The following CFDP1 variants were observed in gnomAD, a reference collection of about 807,000 sequenced individuals.
CFDP1 encodes heterochromatin-stabilizing protein CFDP1.
Under a neutral mutation model 40.1 loss-of-function variants are expected in CFDP1, and 31 were observed. The observed-to-expected ratio is 0.77, with a 90% confidence interval of 0.58 to 1.04. The LOEUF is 1.04. Among genes scored for constraint, CFDP1 ranks in the 50% least tolerant of loss-of-function variants. CFDP1 has a pLI of 0.00. For missense variants in CFDP1, 423 were observed against 343.4 expected, an observed-to-expected ratio of 1.23 and a Z score of -1.83; for synonymous variants, 167 against 120.0, an observed-to-expected ratio of 1.39 and a Z score of -2.56.
intron 5 of CFDP1, among the ~76,000 whole-genome samples, chr16:75,345,045 C>G (rs1175940722): frequency 6.6e-6 from 1 of 151,908 alleles, no homozygotes; most frequent in South Asian, 2.1e-4. Context: ...TCACTTAAGC[C>G]CAAGAGATCA....
At chr16:75,309,367 T>A (rs529813996) in intron 5 of CFDP1, among the ~76,000 whole-genome samples, 55 of 151,616 alleles carry the variant, frequency 3.6e-4, no homozygotes, top group African/African-American at 1.3e-3. Context: ...GACCCTATTC[T>A]GAGAAAGAAC....
chr16:75,365,194 T>C (rs546599890), intron 5 of CFDP1, among the ~76,000 whole-genome samples: 29 of 152,290 alleles, frequency 1.9e-4, no homozygotes, highest in African/African-American at 6.7e-4. Context: ...ATAACTGAAG[T>C]TGAATGGCAA....
In CFDP1 at chr16:75,312,552, T is replaced by C. The variant is rs574198025; in HGVS notation, c.651-7370A>G. 2.1e-4 allele frequency among the ~76,000 whole-genome samples: 32 copies of C among 152,344 alleles called. 1 individual carries two copies. In the South Asian group the frequency reaches 6.0e-3, roughly 29 times the overall value. On this transcript the variant is annotated intron_variant, in intron 5 of 6. Coordinates refer to ENST00000283882, the MANE Select transcript of CFDP1 (RefSeq NM_006324.3). The stretch of plus-strand genomic sequence containing the variant: ...GCCAATAATGAAGGGCACTTACATT[T>C]GTCTGATCTGATTTCAGCTGCTCTA...
At chr16:75,329,219 C>T (rs2078427198) in intron 5 of CFDP1, among the ~76,000 whole-genome samples, 1 of 152,156 alleles carries the variant, frequency 6.6e-6, no homozygotes, top group Non-Finnish European at 1.5e-5. Flanking sequence ...CTCCTGACCT[C>T]AGGTGATCTG....
chr16:75,399,325 G>A (rs1195214785), intron 4 of CFDP1, among the ~76,000 whole-genome samples: 2 of 152,038 alleles, frequency 1.3e-5, no homozygotes, highest in Non-Finnish European at 2.9e-5. Flanking sequence ...AACTAGAAAG[G>A]GTACCTTTAA....
intron 5 of CFDP1, among the ~76,000 whole-genome samples, chr16:75,330,443 G>T (rs2078437518): frequency 6.6e-6 from 1 of 152,152 alleles, no homozygotes; most frequent in Non-Finnish European, 1.5e-5. Flanking sequence ...AAAAAAATTA[G>T]CCAGGCGTGG....
At chr16:75,363,805 G>A (rs2078695576) in intron 5 of CFDP1, among the ~76,000 whole-genome samples, 1 of 152,118 alleles carries the variant, frequency 6.6e-6, no homozygotes, top group Admixed American at 6.5e-5. Flanking sequence ...GTTTCCCAAA[G>A]ATCCTCATTC....
At chr16:75,358,422 TA>T (rs1159196740) in intron 5 of CFDP1, among the ~76,000 whole-genome samples, 1 of 152,080 alleles carries the variant, frequency 6.6e-6, no homozygotes, top group Non-Finnish European at 1.5e-5. Flanking sequence ...GCTTTTTTAA[TA>T]AAAAAATGAA....
intron 5 of CFDP1, among the ~76,000 whole-genome samples, chr16:75,345,569 C>A (rs372453260): frequency 3.9e-5 from 6 of 152,076 alleles, no homozygotes; most frequent in Admixed American, 2.6e-4. Context: ...TGTTTAAGCC[C>A]AGGAGTTCAA....
At chr16:75,389,492 C>A (rs969541162) in intron 5 of CFDP1, among the ~76,000 whole-genome samples, 2 of 152,152 alleles carry the variant, frequency 1.3e-5, no homozygotes, top group South Asian at 4.1e-4. Flanking sequence ...ACATTTGCTC[C>A]TCTAAATCTG....
chr16:75,296,475 G>C (rs1226550493), intron 6 of CFDP1, among the ~76,000 whole-genome samples: 1 of 106,862 alleles, frequency 9.4e-6, no homozygotes, highest in East Asian at 2.8e-4. Flanking sequence ...GGGCTCAAGC[G>C]ATCCTCACCT....
chr16:75,419,862 C>T (rs1447796705), intron 1 of CFDP1, among the ~76,000 whole-genome samples: 2 of 152,256 alleles, frequency 1.3e-5, no homozygotes, highest in East Asian at 1.9e-4. Context: ...AAATGGGCAA[C>T]CAGCAGCCCT....
chr16:75,335,758 G>A (rs1036639283), intron 5 of CFDP1, among the ~76,000 whole-genome samples: 8 of 151,902 alleles, frequency 5.3e-5, no homozygotes, highest in Admixed American at 2.0e-4. Flanking sequence ...GGGTTTCACC[G>A]TGTTAGCCAG....
intron 6 of CFDP1, among the ~76,000 whole-genome samples, chr16:75,295,839 AG>A (rs1157327012): frequency 6.6e-5 from 10 of 152,222 alleles, no homozygotes; most frequent in African/African-American, 2.4e-4. Flanking sequence ...AAAGAGAAAA[AG>A]GGAAGACAGG....
chr16:75,349,698 T>TATATATATATATATATATACACAC lies in CFDP1; in HGVS notation c.651-44517_651-44516insGTGTGTATATATATATATATATAT, dbSNP rs146824267. 1.5e-3 allele frequency among the ~76,000 whole-genome samples: 74 copies of TATATATATATATATATATACACAC among 47,890 alleles called. 2 individuals carry two copies. The highest frequency in any genetic ancestry group is 1.8e-3 in the Non-Finnish European group (52 of 28,286). The allele number at this position is 47,890 out of a possible 152,430, so 31.4% of individuals were successfully genotyped here. ...AAAAAAAAAAAAAAAAAAATATATA[T>TATATATATATATATATATACACAC]ACATACATATATACGGTTGATTTTT... On this transcript the variant is annotated intron_variant, in intron 5 of 6. Coordinates refer to ENST00000283882, the MANE Select transcript of CFDP1 (RefSeq NM_006324.3).
chr16:75,364,097 C>T (rs2078697618), intron 5 of CFDP1, among the ~76,000 whole-genome samples: 1 of 151,810 alleles, frequency 6.6e-6, no homozygotes, highest in Non-Finnish European at 1.5e-5. Context: ...CCCTCTAGAT[C>T]TATGTGTTTA....
At chr16:75,305,273 T>C (rs1567639929) in intron 5 of CFDP1, 91 bp from the exon 6 acceptor site, 2 of 1,312,126 alleles carry the variant, frequency 1.5e-6, no homozygotes, top group Non-Finnish European at 2.1e-6. Flanking sequence ...TCCCCTAGAT[T>C]GGGGCCATTT....
At chr16:75,417,258 A>C (rs1315831716) in intron 1 of CFDP1, among the ~76,000 whole-genome samples, 1 of 152,218 alleles carries the variant, frequency 6.6e-6, no homozygotes, top group Admixed American at 6.5e-5. Context: ...CTTCTATCCC[A>C]GAATATATAA....
intron 5 of CFDP1, among the ~76,000 whole-genome samples, chr16:75,370,826 C>T (rs1395120468): frequency 6.6e-6 from 1 of 152,222 alleles, no homozygotes; most frequent in African/African-American, 2.4e-5. Context: ...CATACCACTG[C>T]ACTCCAGCCT....
Sources: allele counts gnomAD v4.1 joint callset (sites outside exome capture counted in the v4.1 genomes callset), GRCh38; gene constraint gnomAD v4.1.1; transcripts MANE v1.5; gene names NCBI Gene and HGNC (gene_info 2026-07-23, HGNC 2026-07-21).